Variants in WASL observed in about 807,000 individuals in gnomAD.
WASL encodes the protein actin nucleation-promoting factor WASL.
Under a neutral mutation model 55.5 loss-of-function variants are expected in WASL, and 20 were observed. The observed-to-expected ratio is 0.36, with a 90% CI of 0.25 to 0.52. The LOEUF is 0.52. WASL is among the 20% of genes least tolerant of loss of function. The pLI is 0.92. For missense variants in WASL, 504 were observed against 622.5 expected (o/e 0.81, Z 2.03); for synonymous variants, 249 against 217.6 (o/e 1.14, Z -1.27).
In WASL at chr7:123,689,055, G is replaced by A; in HGVS notation, c.1443C>T (p.Ala481=). The A allele has an allele frequency of 6.2e-7, 1 of 1,603,154 alleles. No individual in the cohort carries two copies. The highest frequency in any genetic ancestry group is 8.5e-7 in the Non-Finnish European group (1 of 1,171,528). ...CTCTCTCTCTACCTGAAGAATGAAT[G>A]GCTTTGCTCCTTTTCTGCATCACTT... ...LMEVMQKRSK[A]IHSSDEDEDE... The change falls in exon 10 of 11, where the codon GCC becomes GCT. Residue 481 remains alanine, a synonymous_variant. Transcript: ENST00000223023.
At chr7:123,697,076 T>C (rs888640844) in intron 5 of WASL, among the ~76,000 whole-genome samples, 16 of 152,164 alleles carry the variant, frequency 1.1e-4, no homozygotes, top group East Asian at 7.7e-4. Flanking sequence ...ATCCAACACA[T>C]TGCTCAACAG....
chr7:123,695,409 C>T (rs1041569108), intron 7 of WASL, among the ~76,000 whole-genome samples: 4 of 152,004 alleles, frequency 2.6e-5, no homozygotes, highest in African/African-American at 9.7e-5. Context: ...TTTCACAGTG[C>T]TATAAAACAA....
In WASL at chr7:123,692,616, G is replaced by A. The variant is rs1803431709; in HGVS notation, c.1078C>T (p.Pro360Ser). The change falls in exon 9 of 11, where the codon CCA (proline) becomes TCA (serine). Residue 360 changes from proline (P) to serine (S), a missense_variant. By Grantham distance (74) the Pro-to-Ser change is moderately conservative (BLOSUM62 -1). This residue lies in a region of WASL where 201 missense variants were observed against 206.2 expected (regional missense o/e 0.97). Coordinates refer to ENST00000223023, the MANE Select transcript of WASL (RefSeq NM_003941.4). The stretch of plus-strand genomic sequence containing the variant: ...ACCCCCAACACAGATGGAGGTGGTG[G>A]TGGAGGCCCTGAAGGTGCTGAGGAG... ...LPSSAPSGPP[P>S]PPPSVLGVGP... 6.2e-7 allele frequency: 1 copy of A among 1,602,394 alleles called. No individual in the cohort carries two copies. Among genetic ancestry groups the A allele is most frequent in the Non-Finnish European group, 8.5e-7 (1 of 1,174,700 alleles).
chr7:123,739,892 GTGTGTGTGTGTGTGTGTGTGTGTATA>G (rs945973077), intron 1 of WASL, among the ~76,000 whole-genome samples: 2 of 52,746 alleles, frequency 3.8e-5, no homozygotes, highest in African/African-American at 1.8e-4. Flanking sequence ...GTGTGTGTGT[GTGTGTGTGTGTGTGTGTGTGTGTATA>G]TATATATATA....
chr7:123,694,304 T>G (rs1803459465), intron 8 of WASL, among the ~76,000 whole-genome samples: 1 of 152,154 alleles, frequency 6.6e-6, no homozygotes, highest in African/African-American at 2.4e-5. Flanking sequence ...GAAAAAGGAT[T>G]TGTATTTCAA....
intron 10 of WASL, among the ~76,000 whole-genome samples, chr7:123,687,364 CCTA>C (rs766767486): frequency 1.4e-4 from 22 of 152,142 alleles, no homozygotes; most frequent in Non-Finnish European, 3.2e-4. Context: ...CCACTGGCCT[CCTA>C]CTACTTCTTG....
chr7:123,715,965 C>T (rs990049714), intron 1 of WASL, among the ~76,000 whole-genome samples: 1 of 152,124 alleles, frequency 6.6e-6, no homozygotes, highest in Non-Finnish European at 1.5e-5. Flanking sequence ...GTTATATTTG[C>T]AAATGGGTGA....
chr7:123,736,528 C>T (rs976043121), intron 1 of WASL, among the ~76,000 whole-genome samples: 5 of 152,086 alleles, frequency 3.3e-5, no homozygotes, highest in African/African-American at 9.7e-5. Flanking sequence ...GCATAATAGT[C>T]GGTAGGGCTA....
At chr7:123,712,399 T>C (rs533498074) in intron 1 of WASL, among the ~76,000 whole-genome samples, 1 of 152,292 alleles carries the variant, frequency 6.6e-6, no homozygotes, top group South Asian at 2.1e-4. Flanking sequence ...ATAATGATAC[T>C]ACAATAATAA....
chr7:123,704,779 T>C, intron 4 of WASL, 122 bp from the exon 5 acceptor site: 1 of 551,646 alleles, frequency 1.8e-6, no homozygotes, highest in Non-Finnish European at 3.0e-6. Flanking sequence ...AGGAAGATTT[T>C]TCAGAAGACC....
intron 9 of WASL, among the ~76,000 whole-genome samples, chr7:123,689,485 A>C (rs1803358318): frequency 6.6e-6 from 1 of 152,158 alleles, no homozygotes; most frequent in Non-Finnish European, 1.5e-5. Flanking sequence ...ATCAACTTTA[A>C]AGCTTTTATC....
intron 1 of WASL, among the ~76,000 whole-genome samples, chr7:123,731,330 T>C (rs1213402813): frequency 1.3e-5 from 2 of 152,136 alleles, no homozygotes; most frequent in Non-Finnish European, 2.9e-5. Context: ...CCCACATAAC[T>C]ACAAGGACAA....
intron 9 of WASL, 114 bp from the exon 10 acceptor site, chr7:123,689,264 T>A (rs76829960): frequency 1.3e-5 from 10 of 783,342 alleles, no homozygotes; most frequent in Middle Eastern, 2.7e-4. Flanking sequence ...AAAAAAGATA[T>A]CAAACTGGCA....
intron 3 of WASL, 89 bp from the exon 4 acceptor site, chr7:123,706,462 C>A (rs1438637541): frequency 1.6e-6 from 2 of 1,263,860 alleles, no homozygotes; most frequent in African/African-American, 1.5e-5. Flanking sequence ...AAGTATATTT[C>A]TAAAGAACGA....
intron 1 of WASL, among the ~76,000 whole-genome samples, chr7:123,734,354 T>C (rs960363587): frequency 1.3e-5 from 2 of 152,032 alleles, no homozygotes; most frequent in Admixed American, 6.6e-5. Context: ...AAAGAAGATA[T>C]ACAAATGGCA....
intron 5 of WASL, among the ~76,000 whole-genome samples, chr7:123,701,854 T>C (rs1385902706): frequency 6.6e-6 from 1 of 152,004 alleles, no homozygotes; most frequent in East Asian, 1.9e-4. Context: ...CTTTGTGTAT[T>C]AATATATTAA....
chr7:123,714,940 C>CA (rs1803815059), intron 1 of WASL, among the ~76,000 whole-genome samples: 1 of 151,988 alleles, frequency 6.6e-6, no homozygotes, highest in Non-Finnish European at 1.5e-5. Flanking sequence ...GTAGACTCAT[C>CA]AAAAAGACCC....
At chr7:123,691,900 A>G (rs1803415900) in intron 9 of WASL, among the ~76,000 whole-genome samples, 1 of 152,226 alleles carries the variant, frequency 6.6e-6, no homozygotes, top group African/African-American at 2.4e-5. Context: ...AAGTAGGGCT[A>G]TTTTTAATTC....
chr7:123,748,800 C>T lies in WASL; in HGVS notation c.-66G>A. The T allele has an allele frequency of 7.4e-7, 1 of 1,354,136 alleles. No individual in the cohort carries two copies. The highest frequency in any genetic ancestry group is 9.9e-7 in the Non-Finnish European group (1 of 1,014,192). The allele number at this position is 1,354,136 out of a possible 1,614,324, so 83.9% of individuals were successfully genotyped here. ...CGGCGAGTGGGCGAGAGCTCGTTCC[C>T]CCTCTCGGTGACAGGGGCGGGGAGA... On this transcript the variant is annotated 5_prime_UTR_variant, in exon 1 of 11. Coordinates refer to ENST00000223023, the MANE Select transcript of WASL (RefSeq NM_003941.4).
Sources: gnomAD v4.1 joint callset for allele counts (sites outside exome capture counted in the v4.1 genomes callset) on GRCh38, gnomAD v4.1.1 for gene constraint, gnomAD v4.1.1 regional missense constraint, MANE v1.5 for transcripts, NCBI Gene and HGNC (gene_info 2026-07-23, HGNC 2026-07-21) for gene names.